Variants in CASP8 observed in about 807,000 individuals in gnomAD.
CASP8 encodes caspase 8.
CASP8 carries 24 observed loss-of-function variants against 46.3 expected under a neutral mutation model. The observed-to-expected ratio is 0.52, with a 90% CI of 0.38 to 0.73. The LOEUF is 0.73. Among genes scored for constraint, CASP8 ranks in the 30% least tolerant of loss-of-function variants. CASP8 has a pLI of 0.00. For synonymous variants in CASP8, 188 were observed against 200.4 expected (o/e 0.94, Z 0.52); for missense variants, 460 against 559.0 (o/e 0.82, Z 1.79).
intron 2 of CASP8, among the ~76,000 whole-genome samples, chr2:201,255,282 T>C (rs982479921): frequency 6.6e-6 from 1 of 152,202 alleles, no homozygotes; most frequent in Non-Finnish European, 1.5e-5. Context: ...TTTGCCATGT[T>C]GGCTAGGCTG....
chr2:201,238,184 A>AG (rs1483846730), intron 2 of CASP8, among the ~76,000 whole-genome samples: 1 of 152,214 alleles, frequency 6.6e-6, no homozygotes, highest in Admixed American at 6.5e-5. Context: ...AGGGAACAAC[A>AG]GGATGTTGTC....
At chr2:201,240,850 G>T (rs766168548) in intron 2 of CASP8, 13 of 152,042 alleles carry the variant, frequency 8.6e-5, no homozygotes, top group Non-Finnish European at 1.8e-4. Context: ...ATGATGGAAT[G>T]AAACTAAAAA....
intron 2 of CASP8, among the ~76,000 whole-genome samples, chr2:201,247,214 A>AT (rs1452097070): frequency 6.9e-6 from 1 of 145,416 alleles, no homozygotes; most frequent in African/African-American, 2.6e-5. Context: ...AAAAAAAAAA[A>AT]AGAAGAATTT....
chr2:201,280,951 A>C (rs552506135), intron 7 of CASP8, among the ~76,000 whole-genome samples: 20 of 152,350 alleles, frequency 1.3e-4, no homozygotes, highest in Non-Finnish European at 1.0e-4. Context: ...GTTCCAGGAA[A>C]GGCAAAAAGG....
chr2:201,264,706 C>T (rs1559347711), intron 1 of CASP8, among the ~76,000 whole-genome samples: 1 of 152,142 alleles, frequency 6.6e-6, no homozygotes, highest in Non-Finnish European at 1.5e-5. Context: ...GTAGTTTGCT[C>T]CTGTAGTCTC....
Position 201,284,275 on chromosome 2 carries a change from G to A in CASP8, c.803-541G>A, listed in dbSNP as rs1354432001. Among the ~76,000 whole-genome samples, 2 of 56,288 alleles carry A rather than the reference G, an allele frequency of 3.6e-5. 1 individual carries two copies. The highest frequency in any genetic ancestry group is 7.3e-5 in the Non-Finnish European group (2 of 27,356). The allele number at this position is 56,288 out of a possible 152,430, so 36.9% of individuals were successfully genotyped here. ...AGACGCTCCTCACTTCCCAGACGGC[G>A]TGGCGGCCGGGCAGAGGCTGCAATC... On this transcript the variant is annotated intron_variant, in intron 7 of 8. Coordinates refer to ENST00000673742, the MANE Select transcript of CASP8 (RefSeq NM_001372051.1).
chr2:201,280,373 C>T (rs534165893), intron 7 of CASP8, among the ~76,000 whole-genome samples: 6 of 152,216 alleles, frequency 3.9e-5, no homozygotes, highest in South Asian at 2.1e-4. Flanking sequence ...AACGAAATGA[C>T]GCAATCTCCA....
intron 7 of CASP8, among the ~76,000 whole-genome samples, chr2:201,280,614 A>G (rs1193497405): frequency 1.3e-5 from 2 of 152,234 alleles, no homozygotes; most frequent in East Asian, 3.8e-4. Flanking sequence ...GGCTCAAAAA[A>G]TGTACTTCTC....
intron 2 of CASP8, among the ~76,000 whole-genome samples, chr2:201,255,128 C>T (rs557368796): frequency 1.4e-3 from 206 of 152,266 alleles, no homozygotes; most frequent in Non-Finnish European, 2.1e-3. Flanking sequence ...CTGTCACTCA[C>T]GCTGGAGTGC....
intron 6 of CASP8, 70 bp from the exon 7 acceptor site, chr2:201,276,757 G>GAGTT (rs766396260): frequency 6.2e-7 from 1 of 1,607,198 alleles, no homozygotes; most frequent in Non-Finnish European, 8.5e-7. Flanking sequence ...TCTTACTAGG[G>GAGTT]AGTTGTTTGT....
In CASP8 at chr2:201,240,544, A is replaced by C. The variant is rs187693506; in HGVS notation, c.-27+6432A>C. On this transcript the variant is annotated intron_variant, in intron 2 of 6. Transcript: ENST00000264274. ...AAATATATGAAACAAACAATGACAGAACTGAAGGGAGAAATAGCCAGCCAT... is the reference window on the plus strand; with the variant it reads ...AAATATATGAAACAAACAATGACAGCACTGAAGGGAGAAATAGCCAGCCAT... The C allele has an allele frequency of 2.0e-5, 3 of 152,398 alleles. No homozygotes were observed. The East Asian group carries it at 5.8e-4, about 29-fold the overall frequency. 9.4% of individuals were successfully genotyped at this position (152,398 alleles called of 1,614,324 possible).
Position 201,284,925 on chromosome 2 carries a change from C to G in CASP8, c.912C>G (p.His304Gln). The stretch of plus-strand genomic sequence containing the variant: ...TGAAAATCTACCAACTCATGGACCA[C>G]AGTAACATGGACTGCTTCATCTGCT... ...EILKIYQLMDHSNMDCFICCI... is the reference protein window; with the variant it reads ...EILKIYQLMDQSNMDCFICCI... The change falls in exon 8 of 9, where the codon CAC becomes CAG. Residue 304 changes from histidine to glutamine, a missense_variant. Coordinates refer to ENST00000673742, the MANE Select transcript of CASP8 (RefSeq NM_001372051.1). 1 of 1,614,136 alleles carries G rather than the reference C, an allele frequency of 6.2e-7. No individual in the cohort carries two copies. Among genetic ancestry groups the G allele is most frequent in the Non-Finnish European group, 8.5e-7 (1 of 1,180,028 alleles).
At chr2:201,241,448 A>G (rs1050803945) in intron 2 of CASP8, 2 of 152,236 alleles carry the variant, frequency 1.3e-5, no homozygotes, top group Non-Finnish European at 2.9e-5. Context: ...TGGATAATCT[A>G]GAAGAAATGA....
chr2:201,249,010 G>A (rs952970087), intron 2 of CASP8, among the ~76,000 whole-genome samples: 3 of 152,092 alleles, frequency 2.0e-5, no homozygotes, highest in Non-Finnish European at 2.9e-5. Context: ...TCATGACTCA[G>A]CCTCCTGAGT....
chr2:201,287,677 T>C lies in CASP8; in HGVS notation c.*1083T>C, dbSNP rs1444326621. 6.6e-6 allele frequency: 1 copy of C among 152,614 alleles called. No individual in the cohort carries two copies. 9.5% of individuals were successfully genotyped at this position (152,614 alleles called of 1,614,324 possible). A position where few individuals can be genotyped will look rare whatever the true frequency, so the allele number is the denominator to read the frequency against. On this transcript the variant is annotated 3_prime_UTR_variant, in exon 9 of 9. Coordinates refer to ENST00000673742, the MANE Select transcript of CASP8 (RefSeq NM_001372051.1). ...ATTTAAGTATCTTTTTTCAAAAACA[T>C]TTTTTAATAGAATAAAATATAATTT...
intron 2 of CASP8, among the ~76,000 whole-genome samples, chr2:201,250,748 G>C (rs34355097): frequency 3.3e-5 from 5 of 152,202 alleles, no homozygotes; most frequent in Admixed American, 3.3e-4. Context: ...ATATTTTGTG[G>C]TAGCACGTCC....
upstream of CASP8, chr2:201,258,107 C>A: frequency 9.1e-7 from 1 of 1,100,034 alleles, no homozygotes; most frequent in Non-Finnish European, 1.4e-6. Flanking sequence ...TTCTCTTTCT[C>A]TCGGAGACCA....
intron 7 of CASP8, among the ~76,000 whole-genome samples, chr2:201,281,416 C>T (rs368456008): frequency 1.0e-3 from 157 of 152,110 alleles, no homozygotes; most frequent in African/African-American, 3.6e-3. Flanking sequence ...GAACTCAATG[C>T]GAAAGTCTAA....
chr2:201,258,035 G>T, upstream of CASP8: 2 of 619,456 alleles, frequency 3.2e-6, no homozygotes, highest in Non-Finnish European at 5.7e-6. Context: ...TTGTTCGAGT[G>T]AGTCATCTCT....
Sources: allele counts gnomAD v4.1 joint callset (sites outside exome capture counted in the v4.1 genomes callset), GRCh38; gene constraint gnomAD v4.1.1; transcripts MANE v1.5; gene names NCBI Gene and HGNC (gene_info 2026-07-23, HGNC 2026-07-21).